IFT70B: variants seen among roughly 807,000 people sequenced by gnomAD.
IFT70B encodes intraflagellar transport 70B.
chr2:177,550,718 C>T, the IFT70B span: 2 of 1,470,622 alleles, frequency 1.4e-6, no homozygotes, highest in Non-Finnish European at 1.8e-6. Flanking sequence ...TAAAGCGATG[C>T]AAATTTACAT....
chr2:177,552,784 G>T, the IFT70B span: 1 of 1,505,552 alleles, frequency 6.6e-7, no homozygotes, highest in Non-Finnish European at 8.9e-7. Flanking sequence ...GCTGTTATGG[G>T]TGCGGTTACT....
the IFT70B span, chr2:177,551,104 A>T: frequency 4.3e-6 from 7 of 1,614,190 alleles, no homozygotes; most frequent in Non-Finnish European, 5.9e-6. Flanking sequence ...TTGGCACAAT[A>T]AAGAGTTCCT....
At chr2:177,550,848 A>T in the IFT70B span, 2 of 1,614,100 alleles carry the variant, frequency 1.2e-6, no homozygotes, top group Non-Finnish European at 1.7e-6. Context: ...TCCAACATGC[A>T]TTCTTTCTTC....
chr2:177,551,353 G>C, the IFT70B span: 2 of 1,614,158 alleles, frequency 1.2e-6, no homozygotes, highest in Non-Finnish European at 1.7e-6. Flanking sequence ...TTGTTTTCCT[G>C]CATGAACAGA....
At chr2:177,549,168 A>G in the IFT70B span, 2 of 152,216 alleles carry the variant, frequency 1.3e-5, no homozygotes, top group Non-Finnish European at 2.9e-5. Flanking sequence ...TTTCCCAGAC[A>G]TTGAATGTGC....
the IFT70B span, chr2:177,551,632 T>G: frequency 6.2e-7 from 1 of 1,614,214 alleles, no homozygotes; most frequent in East Asian, 2.2e-5. Flanking sequence ...CCATCAAGCT[T>G]AATGAAAGCC....
the IFT70B span, chr2:177,552,607 A>C: frequency 6.3e-7 from 1 of 1,594,170 alleles, no homozygotes; most frequent in South Asian, 1.1e-5. Context: ...TAGTAGCAGT[A>C]GCCTAGCAGC....
At chr2:177,551,587 G>A in the IFT70B span, 3 of 1,614,194 alleles carry the variant, frequency 1.9e-6, no homozygotes, top group Non-Finnish European at 2.5e-6. Flanking sequence ...TGTATGGTAA[G>A]TTTCCGGAGG....
the IFT70B span, chr2:177,551,087 A>C: frequency 1.2e-6 from 2 of 1,614,132 alleles, no homozygotes; most frequent in East Asian, 2.2e-5. Flanking sequence ...CAAAGTCATA[A>C]TTTCCTTTGG....
the IFT70B span, chr2:177,551,796 A>C: frequency 5.0e-6 from 8 of 1,614,240 alleles, no homozygotes; most frequent in South Asian, 8.8e-5. Flanking sequence ...CAGGTTGCCA[A>C]AAGTCTCTGG....
the IFT70B span, chr2:177,551,566 C>T: frequency 6.2e-7 from 1 of 1,614,208 alleles, no homozygotes; most frequent in Non-Finnish European, 8.5e-7. Context: ...TTGTGTCTTG[C>T]TTCCTGTACT....
chr2:177,551,077 CAA>C, the IFT70B span: 1 of 1,614,116 alleles, frequency 6.2e-7, no homozygotes. Flanking sequence ...CGAGAAATAC[CAA>C]AGTCATAATT....
the IFT70B span, chr2:177,550,865 G>A: frequency 2.5e-6 from 4 of 1,613,956 alleles, no homozygotes; most frequent in South Asian, 4.4e-5. Context: ...CTTCTTCCAG[G>A]GGTTGTTCAA....
the IFT70B span, chr2:177,552,071 A>C: frequency 6.2e-7 from 1 of 1,614,242 alleles, no homozygotes; most frequent in Non-Finnish European, 8.5e-7. Context: ...CAATGCCCTC[A>C]GTGGTCATGC....
chr2:177,550,651 A>G, the IFT70B span: 1 of 854,046 alleles, frequency 1.2e-6, no homozygotes, highest in East Asian at 3.0e-5. Context: ...TTTTTTTTAT[A>G]ATGCATAAGT....
At chr2:177,552,552 A>G in the IFT70B span, 8 of 1,599,434 alleles carry the variant, frequency 5.0e-6, no homozygotes, top group East Asian at 1.3e-4. Context: ...CAGCTGGCCC[A>G]GCTGCTCATA....
At chr2:177,552,551 C>T in the IFT70B span, 42 of 1,600,048 alleles carry the variant, frequency 2.6e-5, no homozygotes, top group East Asian at 2.2e-5. Context: ...GCAGCTGGCC[C>T]AGCTGCTCAT....
chr2:177,550,900 G>GT, the IFT70B span: 1 of 1,614,084 alleles, frequency 6.2e-7, no homozygotes, highest in East Asian at 2.2e-5. Context: ...TTTCTGCCAT[G>GT]AAGTTCACAG....
the IFT70B span, chr2:177,552,663 A>C: frequency 3.8e-6 from 6 of 1,591,220 alleles, no homozygotes; most frequent in South Asian, 1.1e-5. Flanking sequence ...TTCTCCGCCC[A>C]GCAGCTGCAC....
Sources: allele counts gnomAD v4.1 joint callset, GRCh38; gene constraint gnomAD v4.1.1; transcripts MANE v1.5; gene names NCBI Gene and HGNC (gene_info 2026-07-23, HGNC 2026-07-21).